NFIB: variants seen among roughly 807,000 people sequenced by gnomAD.
NFIB encodes nuclear factor I B.
In NFIB, 11 loss-of-function variants were observed where a neutral mutation model predicts 61.5. The ratio of observed to expected loss-of-function variants is 0.18; its 90% CI spans 0.11 to 0.30. NFIB has a LOEUF of 0.30. Among genes scored for constraint, NFIB ranks in the 10% least tolerant of loss-of-function variants. The pLI, the probability that NFIB is intolerant of heterozygous loss-of-function variation, is 1.00. For synonymous variants in NFIB, 260 were observed against 216.5 expected, an observed-to-expected ratio of 1.20 and a Z score of -1.76; for missense variants, 471 against 608.9, an observed-to-expected ratio of 0.77 and a Z score of 2.38.
chr9:14,133,296 T>C (rs1424779366), intron 6 of NFIB, among the ~76,000 whole-genome samples: 1 of 152,072 alleles, frequency 6.6e-6, no homozygotes, highest in African/African-American at 2.4e-5. Context: ...ATCACTCCAT[T>C]GAAACTCTGT....
chr9:14,424,275 T>C, the NFIB span, among the ~76,000 whole-genome samples: 2 of 152,220 alleles, frequency 1.3e-5, no homozygotes, highest in African/African-American at 4.8e-5. Context: ...TGATGGATGA[T>C]TCTGGGGACA....
intron 1 of NFIB, among the ~76,000 whole-genome samples, chr9:14,390,826 T>C (rs2133031026): frequency 1.3e-5 from 2 of 152,356 alleles, no homozygotes; most frequent in South Asian, 2.1e-4. Context: ...TGGGGCTTCC[T>C]GGCCTCCAGA....
intron 6 of NFIB, among the ~76,000 whole-genome samples, chr9:14,128,280 C>T (rs1032983514): frequency 1.3e-5 from 2 of 152,102 alleles, no homozygotes; most frequent in African/African-American, 4.8e-5. Flanking sequence ...AAACTGGGAA[C>T]TTTTTATTGA....
chr9:14,513,432 A>G, the NFIB span, among the ~76,000 whole-genome samples: 1 of 152,046 alleles, frequency 6.6e-6, no homozygotes, highest in Admixed American at 6.6e-5. Context: ...GTTTGAGATC[A>G]GCCTAACCAA....
At chr9:14,502,759 C>T in the NFIB span, among the ~76,000 whole-genome samples, 14 of 151,854 alleles carry the variant, frequency 9.2e-5, no homozygotes, top group African/African-American at 1.5e-4. Flanking sequence ...AATAGGTTTT[C>T]GGGAAACAGG....
chr9:14,465,137 A>C, the NFIB span, among the ~76,000 whole-genome samples: 1 of 152,322 alleles, frequency 6.6e-6, no homozygotes, highest in South Asian at 2.1e-4. Context: ...GGACCATGCA[A>C]GATTTGCTCT....
At chr9:14,515,620 G>C in the NFIB span, among the ~76,000 whole-genome samples, 1 of 152,140 alleles carries the variant, frequency 6.6e-6, no homozygotes, top group Non-Finnish European at 1.5e-5. Flanking sequence ...TTTGTGACAA[G>C]TTCTTGGTGT....
chr9:14,109,248 G>C (rs145528710), intron 10 of NFIB, among the ~76,000 whole-genome samples: 3 of 152,106 alleles, frequency 2.0e-5, no homozygotes, highest in East Asian at 3.9e-4. Context: ...CCAACACTCT[G>C]ATTGATAGTT....
rs2060830935 is a variant in NFIB at position 14,332,300 on chromosome 9, T to C, written c.109-24780A>G. On this transcript the variant is annotated intron_variant, in intron 1 of 8. Transcript: ENST00000380934. Reference sequence around the variant, plus strand: ...GTCAGCAGAGATCGTGCCACTGCACTCCAGCCTGGGCAACAGAGCGAGACT... The same window carrying C: ...GTCAGCAGAGATCGTGCCACTGCACCCCAGCCTGGGCAACAGAGCGAGACT... Among the ~76,000 whole-genome samples the C allele has an allele frequency of 2.3e-5, 3 of 129,750 alleles. No individual in the cohort carries two copies. In the South Asian group the frequency reaches 7.7e-4, roughly 33 times the overall value. The allele number at this position is 129,750 out of a possible 152,430, so 85.1% of individuals were successfully genotyped here. A position where few individuals can be genotyped will look rare whatever the true frequency, so the allele number is the denominator to read the frequency against.
At chr9:14,115,710 A>T (rs77917136) in intron 9 of NFIB, among the ~76,000 whole-genome samples, 9,688 of 152,268 alleles carry the variant, frequency 0.064, 1,019 homozygotes, top group African/African-American at 0.22. Context: ...TCCCAACCTT[A>T]TGCGACTGTT....
chr9:14,213,706 A>T (rs1194147931), intron 2 of NFIB, among the ~76,000 whole-genome samples: 1 of 152,166 alleles, frequency 6.6e-6, no homozygotes, highest in African/African-American at 2.4e-5. Context: ...GTGCTAAATG[A>T]ATAACAGTAT....
chr9:14,296,466 A>G (rs2059450660), intron 2 of NFIB, among the ~76,000 whole-genome samples: 1 of 152,240 alleles, frequency 6.6e-6, no homozygotes, highest in African/African-American at 2.4e-5. Flanking sequence ...GTCTTCCCCA[A>G]ATTCCTACGT....
intron 3 of NFIB, among the ~76,000 whole-genome samples, chr9:14,166,882 C>T (rs2044860838): frequency 6.6e-6 from 1 of 152,184 alleles, no homozygotes; most frequent in Non-Finnish European, 1.5e-5. Flanking sequence ...TATTCTTCCT[C>T]ATCTCACAGA....
the NFIB span, among the ~76,000 whole-genome samples, chr9:14,503,641 T>C: frequency 6.6e-6 from 1 of 152,158 alleles, no homozygotes; most frequent in African/African-American, 2.4e-5. Context: ...TTGAGGATCG[T>C]TTATTCATTT....
chr9:14,329,842 G>A (rs1237187944), intron 1 of NFIB, among the ~76,000 whole-genome samples: 1 of 151,532 alleles, frequency 6.6e-6, no homozygotes, highest in African/African-American at 2.4e-5. Context: ...CCCAGTAACA[G>A]GCCGGGCACA....
intron 4 of NFIB, among the ~76,000 whole-genome samples, chr9:14,153,210 T>C (rs185007041): frequency 1.4e-4 from 21 of 152,280 alleles, no homozygotes; most frequent in African/African-American, 4.6e-4. Context: ...TACGGATTTA[T>C]GCATGAGCAC....
intron 2 of NFIB, among the ~76,000 whole-genome samples, chr9:14,209,465 A>G (rs768311488): frequency 6.6e-5 from 10 of 152,260 alleles, no homozygotes; most frequent in Non-Finnish European, 1.5e-4. Flanking sequence ...ATGGTGTCCC[A>G]GCCTCATAAC....
At chr9:14,160,138 A>C (rs1437914119) in intron 3 of NFIB, among the ~76,000 whole-genome samples, 1 of 152,216 alleles carries the variant, frequency 6.6e-6, no homozygotes, top group African/African-American at 2.4e-5. Flanking sequence ...AATAAAATTG[A>C]GTAGGAAATA....
the NFIB span, among the ~76,000 whole-genome samples, chr9:14,429,874 GA>G: frequency 3.3e-5 from 5 of 152,086 alleles, no homozygotes; most frequent in African/African-American, 7.2e-5. Flanking sequence ...ATTTTTATTG[GA>G]AAAAAACCAC....
Sources: gnomAD v4.1 joint callset for allele counts (sites outside exome capture counted in the v4.1 genomes callset) on GRCh38, gnomAD v4.1.1 for gene constraint, MANE v1.5 for transcripts, NCBI Gene and HGNC (gene_info 2026-07-23, HGNC 2026-07-21) for gene names.